PLCB4: variants seen among roughly 807,000 people sequenced by gnomAD.
The protein encoded by PLCB4 is 1-phosphatidylinositol 4,5-bisphosphate phosphodiesterase beta-4.
In PLCB4, 77 loss-of-function variants were observed where a neutral mutation model predicts 178.8. The ratio of observed to expected loss-of-function variants is 0.43; its 90% CI spans 0.36 to 0.52. The LOEUF (loss-of-function observed/expected upper bound fraction) is 0.52, where lower values mean the gene tolerates loss of function less well. Among genes scored for constraint, PLCB4 ranks in the 20% least tolerant of loss-of-function variants. The pLI, the probability that PLCB4 is intolerant of heterozygous loss-of-function variation, is 0.00. For missense variants in PLCB4, 1,024 were observed against 1,453.4 expected (o/e 0.70, Z 4.80); for synonymous variants, 496 against 490.8 (o/e 1.01, Z -0.14).
chr20:9,422,485 A>T (rs996022674), intron 27 of PLCB4, among the ~76,000 whole-genome samples: 5 of 152,156 alleles, frequency 3.3e-5, no homozygotes, highest in Admixed American at 6.6e-5. Flanking sequence ...AATTTGTTAT[A>T]GCTGGATCCG....
At chr20:9,310,627 G>A (rs553936211) in intron 4 of PLCB4, among the ~76,000 whole-genome samples, 13 of 152,082 alleles carry the variant, frequency 8.5e-5, no homozygotes, top group South Asian at 2.1e-4. Flanking sequence ...CAGGAGAATC[G>A]CTTGAACCCA....
chr20:9,454,187 T>C (rs1253343982), intron 33 of PLCB4, among the ~76,000 whole-genome samples: 5 of 152,226 alleles, frequency 3.3e-5, no homozygotes, highest in Admixed American at 6.5e-5. Flanking sequence ...AGGTTATGCA[T>C]TTGTGGCAAG....
intron 4 of PLCB4, among the ~76,000 whole-genome samples, chr20:9,320,583 G>A (rs113392059): frequency 1.6e-4 from 24 of 152,150 alleles, no homozygotes; most frequent in African/African-American, 4.8e-4. Context: ...AGATGGAGTG[G>A]TTCTGGCTCC....
chr20:9,461,663 GCAGT>G (rs2043403246), intron 35 of PLCB4, among the ~76,000 whole-genome samples: 1 of 152,232 alleles, frequency 6.6e-6, no homozygotes, highest in Admixed American at 6.5e-5. Flanking sequence ...TGCTAGTGCA[GCAGT>G]CAGATCGAAC....
intron 19 of PLCB4, among the ~76,000 whole-genome samples, chr20:9,397,793 A>C (rs2148448928): frequency 6.6e-6 from 1 of 152,344 alleles, no homozygotes; most frequent in East Asian, 1.9e-4. Context: ...TATTATGGTC[A>C]TCTGTTACTA....
chr20:9,173,459 T>C (rs2093099476), intron 2 of PLCB4, among the ~76,000 whole-genome samples: 1 of 152,216 alleles, frequency 6.6e-6, no homozygotes, highest in Non-Finnish European at 1.5e-5. Context: ...TTGTTGCTGC[T>C]GTAACAAACT....
At chr20:9,276,156 C>G (rs2094448557) in intron 3 of PLCB4, among the ~76,000 whole-genome samples, 1 of 152,064 alleles carries the variant, frequency 6.6e-6, no homozygotes, top group Admixed American at 6.6e-5. Flanking sequence ...TATAACAATA[C>G]TGGGCAGGTG....
Position 9,106,235 on chromosome 20 carries a change from G to T in PLCB4, c.-79+9893G>T, listed in dbSNP as rs192658684. Among the ~76,000 whole-genome samples, 454 of 151,890 alleles carry T rather than the reference G, an allele frequency of 3.0e-3. 2 individuals carry two copies. Among genetic ancestry groups the T allele is most frequent in the Middle Eastern group, 0.017 (5 of 294 alleles). ...AAAAGTGCAAATTAAACCAACAGTGGTATATTATTAGGTTGGTACAAAAGT... is the reference window on the plus strand; with the variant it reads ...AAAAGTGCAAATTAAACCAACAGTGTTATATTATTAGGTTGGTACAAAAGT... On this transcript the variant is annotated intron_variant, in intron 2 of 39. Transcript: ENST00000378473.
chr20:9,076,727 T>C (rs2146491702), intron 1 of PLCB4, among the ~76,000 whole-genome samples: 1 of 152,312 alleles, frequency 6.6e-6, no homozygotes, highest in South Asian at 2.1e-4. Context: ...GAGACCACAC[T>C]GGATCAAATG....
At chr20:9,213,620 A>G (rs938893588) in intron 2 of PLCB4, among the ~76,000 whole-genome samples, 3 of 152,122 alleles carry the variant, frequency 2.0e-5, no homozygotes, top group Non-Finnish European at 4.4e-5. Flanking sequence ...GCTGCTATGA[A>G]ATTTTACATG....
chr20:9,244,657 G>A (rs572090926), intron 3 of PLCB4, among the ~76,000 whole-genome samples: 1 of 152,188 alleles, frequency 6.6e-6, no homozygotes, highest in African/African-American at 2.4e-5. Flanking sequence ...TGTACTTGAT[G>A]ATCAGTTAAG....
rs11469240 is a variant in PLCB4 at position 9,398,689 on chromosome 20, G to GTATTATTATTATTATTATTAT, written c.1511-2796_1511-2776dup. ...ACCTGTATACAGCCTGATGAAATGG[G>GTATTATTATTATTATTATTAT]TATTATTATTATTATTATTATTATT... On this transcript the variant is annotated intron_variant, in intron 19 of 39. Coordinates refer to ENST00000378473, the MANE Select transcript of PLCB4 (RefSeq NM_001377142.1). Among the ~76,000 whole-genome samples the GTATTATTATTATTATTATTAT allele has an allele frequency of 2.9e-3, 432 of 150,288 alleles. 4 individuals are homozygous for GTATTATTATTATTATTATTAT. Among genetic ancestry groups the GTATTATTATTATTATTATTAT allele is most frequent in the African/African-American group, 9.8e-3 (398 of 40,560 alleles).
intron 2 of PLCB4, among the ~76,000 whole-genome samples, chr20:9,179,018 T>G (rs1600930543): frequency 6.6e-6 from 1 of 152,316 alleles, no homozygotes; most frequent in African/African-American, 2.4e-5. Context: ...TTAACAACCC[T>G]TTTGAACTTA....
At chr20:9,277,899 C>T (rs1402222650) in intron 3 of PLCB4, among the ~76,000 whole-genome samples, 1 of 151,984 alleles carries the variant, frequency 6.6e-6, no homozygotes, top group African/African-American at 2.4e-5. Flanking sequence ...ATCATTTTGC[C>T]CTGTGTCTGT....
chr20:9,158,506 T>C (rs2092828248), intron 2 of PLCB4, among the ~76,000 whole-genome samples: 1 of 151,540 alleles, frequency 6.6e-6, no homozygotes, highest in Non-Finnish European at 1.5e-5. Context: ...TGACCTCATG[T>C]AATCCACCCT....
chr20:9,288,438 C>T (rs1276626227), intron 3 of PLCB4, among the ~76,000 whole-genome samples: 1 of 150,342 alleles, frequency 6.7e-6, no homozygotes, highest in Admixed American at 6.6e-5. Flanking sequence ...ACGATCTTTG[C>T]ATTGCTCACT....
chr20:9,083,123 T>G (rs2090237414), intron 1 of PLCB4, among the ~76,000 whole-genome samples: 1 of 152,188 alleles, frequency 6.6e-6, no homozygotes, highest in Admixed American at 6.5e-5. Flanking sequence ...CCAGCTTTGT[T>G]GGAAAGGTTA....
intron 3 of PLCB4, among the ~76,000 whole-genome samples, chr20:9,268,118 T>G (rs1172888156): frequency 6.6e-6 from 1 of 152,208 alleles, no homozygotes; most frequent in East Asian, 1.9e-4. Flanking sequence ...TATTCTATTA[T>G]AAGCAACAGA....
chr20:9,131,105 T>A (rs1180339270), intron 2 of PLCB4, among the ~76,000 whole-genome samples: 1 of 152,140 alleles, frequency 6.6e-6, no homozygotes. Flanking sequence ...ACTGACTTTC[T>A]ACTCTGGGCC....
Sources: gnomAD v4.1 joint callset for allele counts (sites outside exome capture counted in the v4.1 genomes callset) on GRCh38, gnomAD v4.1.1 for gene constraint, MANE v1.5 for transcripts, NCBI Gene and HGNC (gene_info 2026-07-23, HGNC 2026-07-21) for gene names.